The following PEX1 variants were observed in gnomAD, a reference collection of about 807,000 sequenced individuals.
PEX1 encodes peroxisomal ATPase PEX1.
Under a neutral mutation model 152.5 loss-of-function variants are expected in PEX1, and 97 were observed. The observed-to-expected ratio is 0.64, with a 90% CI of 0.54 to 0.75. The LOEUF (loss-of-function observed/expected upper bound fraction) is 0.75. PEX1 is among the 30% of genes least tolerant of loss of function. The pLI, the probability that PEX1 is intolerant of heterozygous loss-of-function variation, is 0.00. For missense variants in PEX1, 1,357 were observed against 1,516.3 expected (o/e 0.89, Z 1.74); for synonymous variants, 485 against 531.6 (o/e 0.91, Z 1.21).
At position 92,494,518 on chromosome 7, in the gene PEX1, C is replaced by G. The variant is rs1585221185; in HGVS notation, c.2895G>C (p.Leu965=). The G allele has an allele frequency of 6.2e-7, 1 of 1,613,802 alleles. No homozygotes were observed. Among genetic ancestry groups the G allele is most frequent in the Admixed American group, 1.7e-5 (1 of 59,996 alleles). The change falls in exon 18 of 24, where the codon CTG becomes CTC. Residue 965 remains leucine (L), a synonymous_variant. Coordinates refer to ENST00000248633, the MANE Select transcript of PEX1 (RefSeq NM_000466.3). ...AGCCTTCTACTCCATCCAACTGAGT[C>G]AGCAACTGGTTAACTACTCGGTCTG... is the stretch of plus-strand genomic sequence containing the variant. ...GVTDRVVNQL[L]TQLDGVEGLQ...
At chr7:92,498,843 G>T (rs976576407) in intron 16 of PEX1, among the ~76,000 whole-genome samples, 3 of 152,200 alleles carry the variant, frequency 2.0e-5, no homozygotes, top group African/African-American at 7.2e-5. Flanking sequence ...TCCTGCCTCA[G>T]TATGGTCTCC....
Position 92,494,277 on chromosome 7 carries a change from A to G in PEX1, c.3030+16T>C, listed in dbSNP as rs1442744769. The G allele has an allele frequency of 6.3e-7, 1 of 1,584,314 alleles. No individual in the cohort carries two copies. Among genetic ancestry groups the G allele is most frequent in the Admixed American group, 1.7e-5 (1 of 59,758 alleles). On this transcript the variant is annotated intron_variant, in intron 19 of 23. Coordinates refer to ENST00000248633, the MANE Select transcript of PEX1 (RefSeq NM_000466.3). ...AGCATTTGTTGGGTTTTGGACTCTA[A>G]ATATGAAATTGTCACCTGATCAGGA...
In PEX1 at chr7:92,501,673, T is replaced by G; in HGVS notation, c.2417A>C (p.Lys806Thr). 6.2e-7 allele frequency: 1 copy of G among 1,612,164 alleles called. No homozygotes were observed. Among genetic ancestry groups the G allele is most frequent in the Non-Finnish European group, 8.5e-7 (1 of 1,178,276 alleles). The change falls in exon 15 of 24, where the codon AAA (lysine) becomes ACA (threonine). Residue 806 changes from lysine (K) to threonine (T), a missense_variant and splice_region_variant. By Grantham distance (78) the Lys-to-Thr change is moderately conservative (BLOSUM62 -1). Coordinates refer to ENST00000248633, the MANE Select transcript of PEX1 (RefSeq NM_000466.3). ...GAAGTCCAATGTTGTTAAAACTAAT[T>G]CTGTTTAAAAATAAACAAAACTTCT... ...LSRQSISTRE[K>T]LVLTTLDFQK...
chr7:92,501,358 C>A, intron 15 of PEX1, 149 bp downstream of exon 15: 2 of 642,548 alleles, frequency 3.1e-6, no homozygotes, highest in Non-Finnish European at 5.4e-6. Flanking sequence ...GTTAAAGTAC[C>A]TAAAATAGTG....
intron 8 of PEX1, 105 bp from the exon 9 acceptor site, chr7:92,509,516 A>G: frequency 6.7e-6 from 5 of 747,272 alleles, no homozygotes; most frequent in Non-Finnish European, 1.2e-5. Flanking sequence ...TACCAGAGAG[A>G]ATAAATTATG....
chr7:92,496,091 A>T (rs1791640026), intron 17 of PEX1, among the ~76,000 whole-genome samples: 1 of 152,120 alleles, frequency 6.6e-6, no homozygotes, highest in Admixed American at 6.5e-5. Context: ...GGTGGTGAAT[A>T]CATGAAGTAT....
At chr7:92,498,046 CACA>C (rs968941163) in intron 16 of PEX1, among the ~76,000 whole-genome samples, 12 of 117,666 alleles carry the variant, frequency 1.0e-4, no homozygotes, top group African/African-American at 2.3e-4. Flanking sequence ...AGCCTGGTAA[CACA>C]ACAAGACTCA....
In PEX1 at chr7:92,528,441, C is replaced by A; in HGVS notation, c.-6G>T. On this transcript the variant is annotated 5_prime_UTR_variant, in exon 1 of 24. Coordinates refer to ENST00000248633, the MANE Select transcript of PEX1 (RefSeq NM_000466.3). ...AGGCGATCGCTGCCCCACATCGTCC[C>A]GGAGCGTCGCTCTGGGTTCGCCCAC... is the stretch of plus-strand genomic sequence containing the variant. 2 of 1,580,734 alleles carry A rather than the reference C, an allele frequency of 1.3e-6. No individual in the cohort carries two copies. The highest frequency in any genetic ancestry group is 2.3e-5 in the East Asian group (1 of 43,330).
At chr7:92,492,576 C>T (rs1791396235) in intron 20 of PEX1, among the ~76,000 whole-genome samples, 1 of 152,170 alleles carries the variant, frequency 6.6e-6, no homozygotes, top group South Asian at 2.1e-4. Flanking sequence ...CAGATTGGAA[C>T]AATGTGAGCT....
chr7:92,493,896 G>A (rs1408730479), intron 19 of PEX1: 1 of 251,830 alleles, frequency 4.0e-6, no homozygotes, highest in African/African-American at 2.3e-5. Flanking sequence ...CACAGGACAA[G>A]GAAGAGTTGA....
chr7:92,498,015 G>A (rs1369334990), intron 16 of PEX1, among the ~76,000 whole-genome samples: 3 of 136,120 alleles, frequency 2.2e-5, no homozygotes, highest in African/African-American at 5.6e-5. Flanking sequence ...GCAGTGAGCC[G>A]AGATCATGCC....
rs199647157 is a variant in PEX1, at chr7:92,517,576, A to G, written c.939T>C (p.His313=). The G allele has an allele frequency of 3.7e-4, 602 of 1,614,106 alleles. 6 individuals are homozygous for G. In the East Asian group the frequency reaches 4.3e-3, roughly 11 times the overall value. Residue 313 remains histidine (H), a synonymous_variant, in exon 5 of 24, where the codon CAT becomes CAC. Transcript: ENST00000248633. ...TSVFHKHCAI[H]VFPWDQEYFD... is the part of the protein sequence containing the mutation. ...AATATTCCTGGTCCCATGGAAATAC[A>G]TGAATGGCACAGTGTTTATGAAAAA...
chr7:92,522,004 T>C, intron 2 of PEX1, 98 bp downstream of exon 2: 1 of 1,218,352 alleles, frequency 8.2e-7, no homozygotes, highest in South Asian at 1.2e-5. Context: ...TTAGGTGACA[T>C]CTCACCTCCT....
At chr7:92,510,728 C>T in intron 8 of PEX1, 1 of 391,084 alleles carries the variant, frequency 2.6e-6, no homozygotes. Flanking sequence ...CTTAATTGTG[C>T]TAAGGCATTC....
At chr7:92,521,293 G>C (rs888440159) in intron 2 of PEX1, among the ~76,000 whole-genome samples, 1 of 152,000 alleles carries the variant, frequency 6.6e-6, no homozygotes, top group Non-Finnish European at 1.5e-5. Flanking sequence ...TTTAGAAAAT[G>C]TTTAAAGGAA....
Position 92,489,782 on chromosome 7 carries a change from G to C in PEX1, c.3568C>G (p.Gln1190Glu), listed in dbSNP as rs1281995042. 1 of 1,613,972 alleles carries C rather than the reference G, an allele frequency of 6.2e-7. No individual in the cohort carries two copies. Among genetic ancestry groups the C allele is most frequent in the African/African-American group, 1.3e-5 (1 of 74,910 alleles). The change falls in exon 22 of 24, where the codon CAA (glutamine) becomes GAA (glutamate). Residue 1190 changes from glutamine (Q) to glutamate (E), a missense_variant. Physicochemically the swap from Gln to Glu is conservative, Grantham distance 29 (BLOSUM62 2). Transcript: ENST00000248633. ...ASQEGCQELT[Q>E]EQRDQLRADI... ...GCCCTCAGTTGATCTCTTTGTTCTTGTGTAAGTTCTTGGCAACCCTCTTGT... is the reference window on the plus strand; with the variant it reads ...GCCCTCAGTTGATCTCTTTGTTCTTCTGTAAGTTCTTGGCAACCCTCTTGT...
At chr7:92,520,741 G>A (rs1173500880) in intron 2 of PEX1, among the ~76,000 whole-genome samples, 1 of 152,102 alleles carries the variant, frequency 6.6e-6, no homozygotes, top group Non-Finnish European at 1.5e-5. Context: ...TCATGAAGAC[G>A]CACACAGAGA....
rs1000423880 is a variant in PEX1, at chr7:92,501,871, T to A, written c.2416+19A>T. 6.2e-7 allele frequency: 1 copy of A among 1,600,568 alleles called. No homozygotes were observed. The highest frequency in any genetic ancestry group is 8.6e-7 in the Non-Finnish European group (1 of 1,168,086). On this transcript the variant is annotated intron_variant, in intron 14 of 23. Transcript: ENST00000248633. Reference sequence around the variant, plus strand: ...ATAGAAAGAAGATTCCAAGTTCAGGTTTTAATAGTAAAACATACTTTCTCT... The same window carrying A: ...ATAGAAAGAAGATTCCAAGTTCAGGATTTAATAGTAAAACATACTTTCTCT...
In PEX1 at chr7:92,499,606, G is replaced by C. The variant is rs183540653; in HGVS notation, c.2718+98C>G. The C allele has an allele frequency of 1.5e-4, 150 of 991,530 alleles. 3 individuals carry two copies. The highest frequency in any genetic ancestry group is 1.3e-3 in the East Asian group (56 of 41,784). 61.4% of individuals were successfully genotyped at this position (991,530 alleles called of 1,614,324 possible). On this transcript the variant is annotated intron_variant, in intron 16 of 23. Transcript: ENST00000248633. ...AGAGGTGGTGGTTGCATAGCATTGT[G>C]AATGCACTAAATGCCAGTGAATTTA...
Sources: gnomAD v4.1 joint callset for allele counts (sites outside exome capture counted in the v4.1 genomes callset) on GRCh38, gnomAD v4.1.1 for gene constraint, MANE v1.5 for transcripts, NCBI Gene and HGNC (gene_info 2026-07-23, HGNC 2026-07-21) for gene names.